The following ANK3 variants were observed in gnomAD, a reference collection of about 807,000 sequenced individuals.
ANK3 encodes the protein ankyrin-3.
Under a neutral mutation model 370.9 loss-of-function variants are expected in ANK3, and 57 were observed. The observed-to-expected ratio is 0.15, with a 90% CI of 0.12 to 0.19. The LOEUF (loss-of-function observed/expected upper bound fraction) is 0.19, where lower values mean the gene tolerates loss of function less well. Among genes scored for constraint, ANK3 ranks in the 10% least tolerant of loss-of-function variants. ANK3 has a pLI of 1.00. For missense variants in ANK3, 4,439 were observed against 5,302.1 expected (o/e 0.84, Z 5.06); for synonymous variants, 1,929 against 1,946.3 (o/e 0.99, Z 0.23).
chr10:60,140,612 A>G, intron 23 of ANK3: 2 of 1,402,166 alleles, frequency 1.4e-6, no homozygotes, highest in East Asian at 2.6e-5. Context: ...AAATCTTTTT[A>G]AAAAACCCCA....
At chr10:60,169,468 A>G (rs2095721361) in intron 21 of ANK3, among the ~76,000 whole-genome samples, 1 of 151,674 alleles carries the variant, frequency 6.6e-6, no homozygotes, top group Non-Finnish European at 1.5e-5. Flanking sequence ...CAAGGGTACA[A>G]TACCATCAAC....
At chr10:60,695,820 C>T (rs1284505138) in intron 1 of ANK3, among the ~76,000 whole-genome samples, 1 of 151,920 alleles carries the variant, frequency 6.6e-6, no homozygotes, top group Non-Finnish European at 1.5e-5. Context: ...AAATTGACAC[C>T]GTAACATCAC....
chr10:60,193,636 C>CAA (rs199524856), intron 16 of ANK3, among the ~76,000 whole-genome samples: 10 of 114,524 alleles, frequency 8.7e-5, no homozygotes, highest in African/African-American at 2.7e-4. Flanking sequence ...GTCTGGGTGA[C>CAA]AAAAAAAAAA....
intron 1 of ANK3, among the ~76,000 whole-genome samples, chr10:60,632,933 G>C (rs2078504966): frequency 6.6e-6 from 1 of 151,524 alleles, no homozygotes; most frequent in Non-Finnish European, 1.5e-5. Context: ...TTCTTGCTTT[G>C]ATAGCTGACT....
intron 7 of ANK3, among the ~76,000 whole-genome samples, chr10:60,235,616 G>T (rs1352352004): frequency 1.5e-5 from 2 of 136,702 alleles, no homozygotes; most frequent in Non-Finnish European, 3.0e-5. Flanking sequence ...GCTTAGGCTG[G>T]TCTCAAATTC....
At chr10:60,120,515 AAAGTG>A (rs1363848957) in intron 25 of ANK3, among the ~76,000 whole-genome samples, 4 of 152,194 alleles carry the variant, frequency 2.6e-5, no homozygotes, top group African/African-American at 9.7e-5. Context: ...AACAATCAGC[AAAGTG>A]AAGAGACAAC....
At chr10:60,652,985 T>G (rs1344514048) in intron 1 of ANK3, among the ~76,000 whole-genome samples, 3 of 152,162 alleles carry the variant, frequency 2.0e-5, no homozygotes, top group African/African-American at 7.2e-5. Context: ...AAATATATAT[T>G]TTCATTTGTG....
intron 23 of ANK3, among the ~76,000 whole-genome samples, chr10:60,158,462 A>G (rs905089178): frequency 2.0e-5 from 3 of 152,160 alleles, no homozygotes; most frequent in African/African-American, 7.2e-5. Flanking sequence ...AGAGGCAACA[A>G]AAGTCAAAAA....
intron 2 of ANK3, among the ~76,000 whole-genome samples, chr10:60,538,209 G>C (rs1294560520): frequency 6.6e-6 from 1 of 151,754 alleles, no homozygotes; most frequent in Non-Finnish European, 1.5e-5. Context: ...AACTGAATGA[G>C]GCAAAGAAAA....
At chr10:60,344,726 T>C (rs1028630920) in intron 1 of ANK3, among the ~76,000 whole-genome samples, 3 of 152,158 alleles carry the variant, frequency 2.0e-5, no homozygotes, top group African/African-American at 7.2e-5. Flanking sequence ...ATATACAACA[T>C]TGAAAACAGA....
At chr10:60,487,151 C>T (rs1032505834) in intron 2 of ANK3, among the ~76,000 whole-genome samples, 2 of 152,120 alleles carry the variant, frequency 1.3e-5, no homozygotes, top group African/African-American at 4.8e-5. Flanking sequence ...AGTAAGAACT[C>T]TATACTATCA....
intron 1 of ANK3, among the ~76,000 whole-genome samples, chr10:60,698,363 A>T (rs2079493742): frequency 1.3e-5 from 2 of 151,706 alleles, no homozygotes. Context: ...AGGGATCTAG[A>T]ACTAGAAATA....
intron 2 of ANK3, among the ~76,000 whole-genome samples, chr10:60,451,923 C>T (rs2064615049): frequency 6.6e-6 from 1 of 152,252 alleles, no homozygotes; most frequent in South Asian, 2.1e-4. Flanking sequence ...CTGAACATAC[C>T]CTGGAGGACC....
intron 43 of ANK3, among the ~76,000 whole-genome samples, chr10:60,039,603 T>G (rs1363301767): frequency 1.3e-5 from 2 of 152,320 alleles, no homozygotes; most frequent in South Asian, 2.1e-4. Flanking sequence ...TAAGTAGTAG[T>G]TAAGATCTAT....
At chr10:60,325,435 C>A (rs865965585) in intron 1 of ANK3, among the ~76,000 whole-genome samples, 2 of 152,156 alleles carry the variant, frequency 1.3e-5, no homozygotes, top group Non-Finnish European at 2.9e-5. Context: ...CTGAGACCAC[C>A]CCCCTGCCCC....
chr10:60,164,231 T>A (rs1349702002), intron 23 of ANK3, among the ~76,000 whole-genome samples: 4 of 152,110 alleles, frequency 2.6e-5, no homozygotes, highest in Admixed American at 1.3e-4. Flanking sequence ...GTAAGCAAAA[T>A]TTAGGGACCT....
At chr10:60,580,803 CT>C (rs2077740473) in intron 2 of ANK3, among the ~76,000 whole-genome samples, 1 of 152,164 alleles carries the variant, frequency 6.6e-6, no homozygotes, top group Admixed American at 6.5e-5. Context: ...CGCAGGGAAT[CT>C]GGTCTAGCCC....
chr10:60,197,877 C>A (rs559940442), intron 14 of ANK3, among the ~76,000 whole-genome samples: 1 of 152,222 alleles, frequency 6.6e-6, no homozygotes, highest in African/African-American at 2.4e-5. Flanking sequence ...ATAAATCAAA[C>A]CATAAGTCAG....
chr10:60,654,912 C>T (rs1271553142), intron 1 of ANK3, among the ~76,000 whole-genome samples: 2 of 152,012 alleles, frequency 1.3e-5, no homozygotes, highest in African/African-American at 2.4e-5. Flanking sequence ...AATGACAAAC[C>T]ACATATATGA....
Sources: gnomAD v4.1 joint callset for allele counts (sites outside exome capture counted in the v4.1 genomes callset) on GRCh38, gnomAD v4.1.1 for gene constraint, MANE v1.5 for transcripts, NCBI Gene and HGNC (gene_info 2026-07-23, HGNC 2026-07-21) for gene names.